Variants in PTPN5 observed in about 807,000 individuals in gnomAD.
The protein encoded by PTPN5 is tyrosine-protein phosphatase non-receptor type 5.
In PTPN5, 29 loss-of-function variants were observed where a neutral mutation model predicts 73.9. The ratio of observed to expected loss-of-function variants is 0.39; its 90% CI spans 0.29 to 0.54. The LOEUF is 0.54. PTPN5 is among the 20% of genes least tolerant of loss of function. The pLI, the probability that PTPN5 is intolerant of heterozygous loss-of-function variation, is 0.65. For missense variants in PTPN5, 652 were observed against 751.4 expected, an observed-to-expected ratio of 0.87 and a Z score of 1.55; for synonymous variants, 267 against 304.7, an observed-to-expected ratio of 0.88 and a Z score of 1.29.
rs1418397695 is a variant in PTPN5, at chr11:18,743,372, T to G, written c.349A>C (p.Thr117Pro). 3 of 1,614,160 alleles carry G rather than the reference T, an allele frequency of 1.9e-6. No individual in the cohort carries two copies. The highest frequency in any genetic ancestry group is 2.7e-5 in the African/African-American group (2 of 75,026). The change falls in exon 5 of 15, where the codon ACA (threonine) becomes CCA (proline). Residue 117 changes from threonine to proline, a missense_variant. Physicochemically the swap from Thr to Pro is conservative, Grantham distance 38 (BLOSUM62 -1). Around this residue, in one of 3 missense-constraint regions of PTPN5, gnomAD observed 529 missense variants for 573.9 expected, o/e 0.92. Transcript: ENST00000358540. ...GTCAGCAAAGAGGAGACGAGGTTTG[T>G]GGCGTTCTGTGACCAGATGTGGCCA... ...GYGHIWSQNA[T>P]NLVSSLLTLL...
chr11:18,790,889 G>A (rs1851888189), intron 1 of PTPN5, among the ~76,000 whole-genome samples: 1 of 152,162 alleles, frequency 6.6e-6, no homozygotes, highest in Non-Finnish European at 1.5e-5. Flanking sequence ...AAGTTCCCAG[G>A]ATTCGTCTGG....
chr11:18,773,979 A>G (rs980818140), intron 1 of PTPN5, among the ~76,000 whole-genome samples: 1 of 152,174 alleles, frequency 6.6e-6, no homozygotes, highest in African/African-American at 2.4e-5. Flanking sequence ...TCTTGCCTGG[A>G]AGGCCATCAC....
chr11:18,762,578 T>C (rs1348250647), intron 3 of PTPN5, among the ~76,000 whole-genome samples: 4 of 152,152 alleles, frequency 2.6e-5, no homozygotes. Flanking sequence ...CCCATCCCCC[T>C]CTTCATGGCT....
chr11:18,756,780 C>T (rs186086131), intron 3 of PTPN5, among the ~76,000 whole-genome samples: 5 of 151,602 alleles, frequency 3.3e-5, no homozygotes, highest in East Asian at 3.9e-4. Context: ...AAAAATTAGC[C>T]GGGTTTGGTG....
intron 9 of PTPN5, among the ~76,000 whole-genome samples, chr11:18,736,794 C>T (rs922320097): frequency 2.6e-5 from 4 of 152,204 alleles, no homozygotes; most frequent in African/African-American, 7.2e-5. Flanking sequence ...CACCTTCCCC[C>T]AGTGGCCATT....
At chr11:18,739,597 G>T (rs375616551) in intron 8 of PTPN5, among the ~76,000 whole-genome samples, 1 of 152,168 alleles carries the variant, frequency 6.6e-6, no homozygotes, top group East Asian at 1.9e-4. Context: ...GATGATGGAG[G>T]TCTTCTCACA....
intron 9 of PTPN5, among the ~76,000 whole-genome samples, chr11:18,736,732 G>T (rs1392551033): frequency 6.6e-6 from 1 of 152,188 alleles, no homozygotes; most frequent in Non-Finnish European, 1.5e-5. Flanking sequence ...GGCAGCTCAA[G>T]CCTCTTGGAA....
chr11:18,772,281 TTTC>T (rs1258720556), intron 1 of PTPN5, among the ~76,000 whole-genome samples: 1 of 152,194 alleles, frequency 6.6e-6, no homozygotes, highest in Admixed American at 6.5e-5. Context: ...ATAAATATCT[TTTC>T]TGCCTAAGTT....
intron 3 of PTPN5, among the ~76,000 whole-genome samples, chr11:18,759,346 T>G (rs1383858601): frequency 6.6e-6 from 1 of 152,008 alleles, no homozygotes; most frequent in Non-Finnish European, 1.5e-5. Flanking sequence ...TATTCTAGAG[T>G]GAGGAATTTG....
rs191610837 is a variant in PTPN5, at chr11:18,765,815, C to T, written c.89G>A (p.Arg30Lys). 16 of 1,572,146 alleles carry T rather than the reference C, an allele frequency of 1.0e-5. No homozygotes were observed. The highest frequency in any genetic ancestry group is 3.7e-5 in the Admixed American group (2 of 54,128). ...GGALDMCCSE[R>K]LPGLPQPIVM... is the part of the protein sequence containing the mutation. The stretch of plus-strand genomic sequence containing the variant: ...GTGCTGAGAAGACTCACCCGGTAGC[C>T]TCTCACTGCAGCACATGTCCAGGGC... Residue 30 changes from arginine (R) to lysine (K), a missense_variant, in exon 3 of 15, where the codon AGG becomes AAG. Around this residue, in one of 3 missense-constraint regions of PTPN5, gnomAD observed 529 missense variants for 573.9 expected, o/e 0.92. Coordinates refer to ENST00000358540, the MANE Select transcript of PTPN5 (RefSeq NM_006906.2).
chr11:18,730,136 C>T (rs1051672879), intron 12 of PTPN5: 6 of 490,720 alleles, frequency 1.2e-5, no homozygotes, highest in African/African-American at 1.0e-4. Context: ...CTTATCTTAA[C>T]AAATGGTCCC....
intron 1 of PTPN5, among the ~76,000 whole-genome samples, chr11:18,786,214 T>C (rs75558674): frequency 8.6e-5 from 13 of 151,910 alleles, no homozygotes; most frequent in Admixed American, 1.3e-4. Flanking sequence ...TTTTTTTTTT[T>C]TTCTTTGAGA....
intron 3 of PTPN5, among the ~76,000 whole-genome samples, chr11:18,762,266 C>T (rs1487226063): frequency 6.6e-6 from 1 of 152,190 alleles, no homozygotes; most frequent in East Asian, 1.9e-4. Context: ...ATGGCTGGCC[C>T]TCACTCTGCC....
At chr11:18,765,646 G>A (rs998524951) in intron 3 of PTPN5, among the ~76,000 whole-genome samples, 161 bp downstream of exon 3, 1 of 152,190 alleles carries the variant, frequency 6.6e-6, no homozygotes, top group Non-Finnish European at 1.5e-5. Context: ...TCAGGGATTA[G>A]AAAAACAAGT....
intron 1 of PTPN5, among the ~76,000 whole-genome samples, chr11:18,782,866 A>G (rs1447225835): frequency 6.6e-6 from 1 of 152,200 alleles, no homozygotes; most frequent in African/African-American, 2.4e-5. Flanking sequence ...ATGCTTTTAC[A>G]TCAAAGAACT....
chr11:18,735,608 G>T (rs1006301200), intron 9 of PTPN5, among the ~76,000 whole-genome samples: 3 of 151,902 alleles, frequency 2.0e-5, no homozygotes, highest in African/African-American at 7.3e-5. Context: ...TTGAGGTCAG[G>T]AGTTGGAGAG....
At chr11:18,785,712 G>A (rs1851637709) in intron 1 of PTPN5, among the ~76,000 whole-genome samples, 1 of 152,194 alleles carries the variant, frequency 6.6e-6, no homozygotes, top group East Asian at 1.9e-4. Context: ...GAGGCGAGGG[G>A]CTGTTTCATG....
In PTPN5 at chr11:18,732,468, A is replaced by G; in HGVS notation, c.1329+124T>C. On this transcript the variant is annotated intron_variant, in intron 12 of 14. Coordinates refer to ENST00000358540, the MANE Select transcript of PTPN5 (RefSeq NM_006906.2). ...CTCACTCATCCGTAATTATCAGAAA[A>G]TCTGGGAGTGACACTGGCTTTTATG... is the stretch of plus-strand genomic sequence containing the variant. 2.4e-5 allele frequency: 17 copies of G among 722,886 alleles called. 1 individual carries two copies. Among genetic ancestry groups the G allele is most frequent in the Middle Eastern group, 2.9e-4 (1 of 3,398 alleles). The allele number at this position is 722,886 out of a possible 1,614,324, so 44.8% of individuals were successfully genotyped here.
At chr11:18,754,146 A>C (rs1282040679) in intron 3 of PTPN5, among the ~76,000 whole-genome samples, 3 of 152,138 alleles carry the variant, frequency 2.0e-5, no homozygotes, top group Non-Finnish European at 4.4e-5. Context: ...GATGCTCTAG[A>C]AATTCTTGAA....
Sources: allele counts gnomAD v4.1 joint callset (sites outside exome capture counted in the v4.1 genomes callset), GRCh38; gene constraint gnomAD v4.1.1; regional missense constraint gnomAD v4.1.1; transcripts MANE v1.5; gene names NCBI Gene and HGNC (gene_info 2026-07-23, HGNC 2026-07-21).